PCSK5: variants seen among roughly 807,000 people sequenced by gnomAD.
PCSK5 encodes the protein proprotein convertase subtilisin/kexin type 5.
PCSK5 carries 129 observed loss-of-function variants against 233.2 expected under a neutral mutation model. That is an observed-to-expected ratio of 0.55 (90% CI 0.48 to 0.64). The LOEUF is 0.64. Ranked by LOEUF, PCSK5 falls within the 30% of genes least tolerant of loss-of-function variation. The pLI, the probability that PCSK5 is intolerant of heterozygous loss-of-function variation, is 0.00. For missense variants in PCSK5, 2,076 were observed against 2,430.1 expected (o/e 0.85, Z 3.06); for synonymous variants, 825 against 879.2 (o/e 0.94, Z 1.09).
chr9:76,132,677 A>T (rs1822806354), intron 9 of PCSK5, among the ~76,000 whole-genome samples: 1 of 152,110 alleles, frequency 6.6e-6, no homozygotes, highest in African/African-American at 2.4e-5. Flanking sequence ...ACCACTTCTT[A>T]ATAGCTTCTT....
chr9:76,218,144 T>C (rs73460343), intron 20 of PCSK5, among the ~76,000 whole-genome samples: 2,294 of 152,256 alleles, frequency 0.015, 58 homozygotes, highest in African/African-American at 0.053. Context: ...CCCCATCTGA[T>C]GGAGATTCAC....
chr9:76,296,722 A>G lies in PCSK5; in HGVS notation c.3380A>G (p.Glu1127Gly), dbSNP rs976675206. 6.2e-7 allele frequency: 1 copy of G among 1,612,464 alleles called. No individual in the cohort carries two copies. The highest frequency in any genetic ancestry group is 1.7e-5 in the Admixed American group (1 of 59,982). ...TTCTATGGTGACCAAGAAATGGGAG[A>G]ATGTGAGTCCTGCCACCGAGCATGC... The part of the protein sequence containing the change: ...PGFYGDQEMG[E>G]CESCHRACET... Residue 1127 changes from glutamate to glycine, a missense_variant, in exon 27 of 38, where the codon GAA becomes GGA. Coordinates refer to ENST00000674117, the MANE Select transcript of PCSK5 (RefSeq NM_001372043.1).
chr9:75,932,093 A>T (rs1161130139), intron 1 of PCSK5, among the ~76,000 whole-genome samples: 1 of 152,230 alleles, frequency 6.6e-6, no homozygotes, highest in Non-Finnish European at 1.5e-5. Flanking sequence ...AAAATGCTGC[A>T]TATAAATTAA....
intron 36 of PCSK5, among the ~76,000 whole-genome samples, chr9:76,353,765 C>G (rs1254451342): frequency 3.3e-5 from 5 of 152,220 alleles, no homozygotes; most frequent in African/African-American, 1.2e-4. Flanking sequence ...CAGGAGCTGT[C>G]AGCTCCTAAC....
At chr9:76,256,328 C>G (rs1386299884) in intron 24 of PCSK5, among the ~76,000 whole-genome samples, 1 of 152,224 alleles carries the variant, frequency 6.6e-6, no homozygotes, top group African/African-American at 2.4e-5. Flanking sequence ...CCTGCTAAGT[C>G]GAGCTGTGAG....
chr9:76,210,797 T>C (rs894108735), intron 20 of PCSK5, among the ~76,000 whole-genome samples: 7 of 152,058 alleles, frequency 4.6e-5, no homozygotes, highest in African/African-American at 1.7e-4. Context: ...CCATATGGTA[T>C]AGAAATGATT....
chr9:75,985,752 T>C (rs1284036180), intron 2 of PCSK5, among the ~76,000 whole-genome samples: 10 of 152,170 alleles, frequency 6.6e-5, no homozygotes, highest in Admixed American at 6.5e-4. Flanking sequence ...AAATACGTAT[T>C]ATTTGGACCT....
At chr9:76,090,655 G>T (rs993409577) in intron 7 of PCSK5, among the ~76,000 whole-genome samples, 2 of 152,174 alleles carry the variant, frequency 1.3e-5, no homozygotes, top group Non-Finnish European at 2.9e-5. Context: ...CACAGACTGG[G>T]TGGCTTAAAC....
chr9:76,329,508 TTC>T (rs1829465129), intron 33 of PCSK5, among the ~76,000 whole-genome samples: 2 of 152,226 alleles, frequency 1.3e-5, no homozygotes, highest in African/African-American at 4.8e-5. Flanking sequence ...TCCACACACT[TTC>T]TTTTTCTTTC....
intron 2 of PCSK5, among the ~76,000 whole-genome samples, chr9:75,951,316 C>A (rs1213575604): frequency 6.6e-6 from 1 of 152,138 alleles, no homozygotes; most frequent in Non-Finnish European, 1.5e-5. Context: ...GACAGTTTTC[C>A]CCAGTGGACC....
intron 7 of PCSK5, 130 bp from the exon 8 acceptor site, chr9:76,095,760 C>A (rs1831483619): frequency 4.1e-6 from 3 of 732,174 alleles, no homozygotes; most frequent in Non-Finnish European, 7.1e-6. Context: ...CTCCCAGAAG[C>A]TGCTTAAGCC....
At chr9:76,141,031 C>CTATT (rs1481315858) in intron 10 of PCSK5, among the ~76,000 whole-genome samples, 3 of 152,122 alleles carry the variant, frequency 2.0e-5, no homozygotes, top group African/African-American at 7.2e-5. Flanking sequence ...ATGACTTTGA[C>CTATT]TATTCTTAAT....
chr9:75,982,583 T>A (rs756474724), intron 2 of PCSK5, among the ~76,000 whole-genome samples: 23 of 152,208 alleles, frequency 1.5e-4, no homozygotes, highest in Non-Finnish European at 2.8e-4. Context: ...TTTAAGAACC[T>A]GATTTACCTT....
chr9:76,213,150 C>T (rs533164099), intron 20 of PCSK5, among the ~76,000 whole-genome samples: 1 of 152,358 alleles, frequency 6.6e-6, no homozygotes, highest in South Asian at 2.1e-4. Context: ...ATGCCTTGGA[C>T]TCAGATCTTC....
intron 12 of PCSK5, among the ~76,000 whole-genome samples, chr9:76,167,973 CT>C (rs1007462922): frequency 1.8e-4 from 27 of 152,180 alleles, no homozygotes; most frequent in Admixed American, 3.3e-4. Context: ...ATATTTTACT[CT>C]TTTTTTATTT....
intron 7 of PCSK5, among the ~76,000 whole-genome samples, chr9:76,094,165 T>A (rs1219017285): frequency 6.6e-6 from 1 of 152,174 alleles, no homozygotes; most frequent in Non-Finnish European, 1.5e-5. Context: ...GTCTATCAAA[T>A]CATGTCATAA....
intron 10 of PCSK5, among the ~76,000 whole-genome samples, chr9:76,136,110 G>T (rs950819682): frequency 6.6e-6 from 1 of 151,940 alleles, no homozygotes; most frequent in Non-Finnish European, 1.5e-5. Flanking sequence ...ATTAAAGTTT[G>T]CTTTTTCACA....
intron 20 of PCSK5, among the ~76,000 whole-genome samples, chr9:76,203,697 T>G (rs746454073): frequency 3.9e-5 from 6 of 151,988 alleles, no homozygotes; most frequent in Non-Finnish European, 8.8e-5. Context: ...TGTGAGTTAG[T>G]GAAGGGGTGC....
chr9:76,159,504 G>T (rs182369448), intron 12 of PCSK5, among the ~76,000 whole-genome samples: 1 of 152,118 alleles, frequency 6.6e-6, no homozygotes, highest in East Asian at 1.9e-4. Flanking sequence ...GTTGTCATTC[G>T]TTACAGATTA....
Sources: gnomAD v4.1 joint callset for allele counts (sites outside exome capture counted in the v4.1 genomes callset) on GRCh38, gnomAD v4.1.1 for gene constraint, MANE v1.5 for transcripts, NCBI Gene and HGNC (gene_info 2026-07-23, HGNC 2026-07-21) for gene names.